The following TRABD2B variants were observed in gnomAD, a reference collection of about 807,000 sequenced individuals.
TRABD2B encodes metalloprotease TIKI2.
Under a neutral mutation model 40.1 loss-of-function variants are expected in TRABD2B, and 14 were observed. The ratio of observed to expected loss-of-function variants is 0.35; its 90% CI spans 0.23 to 0.55. The LOEUF (loss-of-function observed/expected upper bound fraction) is 0.55, where lower values mean the gene tolerates loss of function less well. Among genes scored for constraint, TRABD2B ranks in the 20% least tolerant of loss-of-function variants. TRABD2B has a pLI of 0.90. For synonymous variants in TRABD2B, 263 were observed against 277.0 expected (o/e 0.95, Z 0.50); for missense variants, 541 against 648.6 (o/e 0.83, Z 1.80).
intron 2 of TRABD2B, among the ~76,000 whole-genome samples, chr1:47,810,612 C>T (rs1049391890): frequency 6.6e-6 from 1 of 152,208 alleles, no homozygotes; most frequent in African/African-American, 2.4e-5. Context: ...AGGTGGCACA[C>T]TGCCAGTGAG....
chr1:47,843,992 T>G (rs886452402), intron 2 of TRABD2B, among the ~76,000 whole-genome samples: 1 of 152,116 alleles, frequency 6.6e-6, no homozygotes, highest in African/African-American at 2.4e-5. Context: ...AAAGCCCCAA[T>G]AGAAGCTGAC....
chr1:47,922,965 G>A (rs546668635), intron 2 of TRABD2B, among the ~76,000 whole-genome samples: 5 of 152,268 alleles, frequency 3.3e-5, no homozygotes, highest in East Asian at 1.9e-4. Flanking sequence ...GTCTGGCCTC[G>A]GCCTTCCTCT....
chr1:47,883,351 G>A (rs1644330327), intron 2 of TRABD2B, among the ~76,000 whole-genome samples: 2 of 152,196 alleles, frequency 1.3e-5, no homozygotes. Flanking sequence ...AGCTCAAAAT[G>A]CTGGTATTAT....
chr1:47,960,253 A>G (rs1350620709), intron 2 of TRABD2B, among the ~76,000 whole-genome samples: 1 of 152,194 alleles, frequency 6.6e-6, no homozygotes, highest in Non-Finnish European at 1.5e-5. Context: ...CCCACAGCCC[A>G]TATCATACTG....
intron 2 of TRABD2B, chr1:47,819,050 A>G (rs1169579545): frequency 3.9e-5 from 6 of 152,282 alleles, no homozygotes; most frequent in Non-Finnish European, 7.3e-5. Context: ...TAAAAAGTAT[A>G]AACCATCCCA....
intron 3 of TRABD2B, among the ~76,000 whole-genome samples, chr1:47,800,713 T>G (rs1195698859): frequency 6.6e-6 from 1 of 152,210 alleles, no homozygotes; most frequent in Non-Finnish European, 1.5e-5. Context: ...GGAGAATGCC[T>G]GACCCTATCC....
At chr1:47,991,171 C>G (rs897965246) in intron 2 of TRABD2B, among the ~76,000 whole-genome samples, 1 of 152,082 alleles carries the variant, frequency 6.6e-6, no homozygotes, top group Non-Finnish European at 1.5e-5. Flanking sequence ...CTGACTGGCT[C>G]TGTTCCTTAT....
At chr1:47,823,061 G>T (rs997782778) in intron 2 of TRABD2B, among the ~76,000 whole-genome samples, 1 of 152,254 alleles carries the variant, frequency 6.6e-6, no homozygotes, top group Non-Finnish European at 1.5e-5. Flanking sequence ...GGCATTCAGG[G>T]CACTGAAGTG....
intron 2 of TRABD2B, among the ~76,000 whole-genome samples, chr1:47,804,333 A>G (rs1441541512): frequency 6.6e-6 from 1 of 152,220 alleles, no homozygotes; most frequent in Admixed American, 6.5e-5. Flanking sequence ...TGCTGTGGGC[A>G]TTGCTAAGGC....
intron 2 of TRABD2B, among the ~76,000 whole-genome samples, chr1:47,844,474 T>C (rs1242961823): frequency 1.3e-5 from 2 of 152,214 alleles, no homozygotes; most frequent in African/African-American, 4.8e-5. Flanking sequence ...CAGATGCCGT[T>C]AGCCCTCCAA....
intron 2 of TRABD2B, among the ~76,000 whole-genome samples, chr1:47,878,870 G>A (rs1644261171): frequency 6.6e-6 from 1 of 152,176 alleles, no homozygotes; most frequent in African/African-American, 2.4e-5. Context: ...GCTGAGGTAG[G>A]AGAATTGCTT....
At chr1:47,880,214 G>A (rs574892737) in intron 2 of TRABD2B, among the ~76,000 whole-genome samples, 3 of 152,290 alleles carry the variant, frequency 2.0e-5, no homozygotes, top group Admixed American at 2.0e-4. Flanking sequence ...TACTCATGAG[G>A]CTGAGGCAGG....
intron 2 of TRABD2B, among the ~76,000 whole-genome samples, chr1:47,837,719 C>A (rs1474693694): frequency 6.6e-6 from 1 of 152,144 alleles, no homozygotes; most frequent in African/African-American, 2.4e-5. Flanking sequence ...AAATGATTCC[C>A]GAGGGCAATT....
intron 6 of TRABD2B, among the ~76,000 whole-genome samples, chr1:47,769,263 G>C (rs879764599): frequency 3.3e-5 from 5 of 152,214 alleles, no homozygotes; most frequent in Non-Finnish European, 7.3e-5. Flanking sequence ...CTTTCAGCCT[G>C]AGGAACTGTT....
At chr1:47,878,052 C>T (rs996118038) in intron 2 of TRABD2B, among the ~76,000 whole-genome samples, 4 of 151,184 alleles carry the variant, frequency 2.6e-5, no homozygotes, top group East Asian at 1.9e-4. Flanking sequence ...CGGTGGCTTA[C>T]GCCTGTAATC....
chr1:47,932,966 C>T (rs1194386258), intron 2 of TRABD2B, among the ~76,000 whole-genome samples: 6 of 152,182 alleles, frequency 3.9e-5, no homozygotes, highest in African/African-American at 7.2e-5. Context: ...TGTCATGCAG[C>T]AAACCTCTTT....
chr1:47,769,808 T>G (rs992682196), intron 6 of TRABD2B, among the ~76,000 whole-genome samples: 4 of 152,176 alleles, frequency 2.6e-5, no homozygotes, highest in Admixed American at 6.5e-5. Context: ...TAGCCTGTAG[T>G]GCGTTCCTGG....
intron 2 of TRABD2B, among the ~76,000 whole-genome samples, chr1:47,986,561 A>G (rs1327294286): frequency 2.0e-5 from 3 of 152,226 alleles, no homozygotes; most frequent in Non-Finnish European, 2.9e-5. Flanking sequence ...ACAGAGGGGA[A>G]AAATATATGT....
At chr1:47,791,046 A>G (rs1452938594) in intron 4 of TRABD2B, among the ~76,000 whole-genome samples, 1 of 152,184 alleles carries the variant, frequency 6.6e-6, no homozygotes, top group Admixed American at 6.5e-5. Context: ...CTTTGCACTG[A>G]AGCCCCCTCA....
Sources: allele counts gnomAD v4.1 joint callset (sites outside exome capture counted in the v4.1 genomes callset), GRCh38; gene constraint gnomAD v4.1.1; transcripts MANE v1.5; gene names NCBI Gene and HGNC (gene_info 2026-07-23, HGNC 2026-07-21).